The following PELI2 variants were observed in gnomAD, a reference collection of about 807,000 sequenced individuals.
PELI2 encodes the protein E3 ubiquitin-protein ligase pellino homolog 2.
PELI2 carries 23 observed loss-of-function variants against 42.3 expected under a neutral mutation model. The ratio of observed to expected loss-of-function variants is 0.54; its 90% CI spans 0.39 to 0.77. The LOEUF (loss-of-function observed/expected upper bound fraction) is 0.77, where lower values mean the gene tolerates loss of function less well. Ranked by LOEUF, PELI2 falls within the 30% of genes least tolerant of loss-of-function variation. The probability of loss-of-function intolerance (pLI) is 0.00; values close to 1 mark genes in which losing one functional copy is unlikely to be tolerated. For synonymous variants in PELI2, 245 were observed against 212.2 expected, an observed-to-expected ratio of 1.15 and a Z score of -1.34; for missense variants, 463 against 553.2, an observed-to-expected ratio of 0.84 and a Z score of 1.64.
intron 1 of PELI2, among the ~76,000 whole-genome samples, chr14:56,141,659 T>A (rs1260169799): frequency 1.3e-5 from 2 of 151,138 alleles, no homozygotes; most frequent in Non-Finnish European, 3.0e-5. Context: ...GGAGAGAGAG[T>A]GAGGCAAGCA....
At chr14:56,150,284 C>T (rs1005871477) in intron 1 of PELI2, among the ~76,000 whole-genome samples, 2 of 152,144 alleles carry the variant, frequency 1.3e-5, no homozygotes, top group East Asian at 1.9e-4. Context: ...CATTTCCCCA[C>T]GTATAAGCCA....
In PELI2 at chr14:56,200,829, C is replaced by G. The variant is rs184843464; in HGVS notation, c.207+22365C>G. On this transcript the variant is annotated intron_variant, in intron 2 of 5. Transcript: ENST00000267460. ...ATTTTCATTAGTTGTCTTACATTTG[C>G]ATTTCAAACAAACATTCTGATTGTT... Among the ~76,000 whole-genome samples the G allele has an allele frequency of 2.4e-4, 36 of 152,242 alleles. 1 individual carries two copies. The highest frequency in any genetic ancestry group is 3.9e-4 in the Admixed American group (6 of 15,290).
intron 1 of PELI2, among the ~76,000 whole-genome samples, chr14:56,120,351 A>G (rs1382055893): frequency 6.6e-6 from 1 of 152,182 alleles, no homozygotes; most frequent in Non-Finnish European, 1.5e-5. Context: ...TTTCCTTTTG[A>G]GGAAATCATT....
intron 2 of PELI2, among the ~76,000 whole-genome samples, chr14:56,235,280 A>C (rs1311868962): frequency 6.6e-6 from 1 of 152,236 alleles, no homozygotes; most frequent in Non-Finnish European, 1.5e-5. Flanking sequence ...TAAATAATAC[A>C]AAGGCCTAAA....
intron 1 of PELI2, among the ~76,000 whole-genome samples, chr14:56,144,079 C>A (rs1328210308): frequency 6.6e-6 from 1 of 152,184 alleles, no homozygotes; most frequent in Non-Finnish European, 1.5e-5. Context: ...TATACTCATA[C>A]TGTACTACCG....
intron 2 of PELI2, among the ~76,000 whole-genome samples, chr14:56,183,027 A>G (rs143897343): frequency 2.0e-5 from 3 of 152,236 alleles, no homozygotes; most frequent in African/African-American, 4.8e-5. Context: ...CCTGCTTTTA[A>G]TAACTGAGTT....
chr14:56,286,464 A>G lies in PELI2; in HGVS notation c.310-1973A>G, dbSNP rs141028931. Reference sequence around the variant, plus strand: ...CCAGGCAAACCCAAACTTTTCTTATATATATAAAATTTAACATGCTGAATG... The same window carrying G: ...CCAGGCAAACCCAAACTTTTCTTATGTATATAAAATTTAACATGCTGAATG... On this transcript the variant is annotated intron_variant, in intron 3 of 5. Coordinates refer to ENST00000267460, the MANE Select transcript of PELI2 (RefSeq NM_021255.3). Among the ~76,000 whole-genome samples the G allele has an allele frequency of 2.4e-3, 358 of 152,276 alleles. 4 individuals carry two copies. Among genetic ancestry groups the G allele is most frequent in the East Asian group, 0.018 (95 of 5,188 alleles).
chr14:56,222,951 G>C (rs1196287903), intron 2 of PELI2, among the ~76,000 whole-genome samples: 2 of 152,194 alleles, frequency 1.3e-5, no homozygotes, highest in African/African-American at 2.4e-5. Context: ...AAGGGAACAC[G>C]TACAGGACAA....
At chr14:56,181,315 C>A (rs1254253067) in intron 2 of PELI2, among the ~76,000 whole-genome samples, 1 of 146,924 alleles carries the variant, frequency 6.8e-6, no homozygotes, top group African/African-American at 2.5e-5. Flanking sequence ...GTCTCTGGCT[C>A]TGGGCCCTTC....
chr14:56,122,563 A>C (rs1595532708), intron 1 of PELI2, among the ~76,000 whole-genome samples: 1 of 150,502 alleles, frequency 6.6e-6, no homozygotes, highest in South Asian at 2.1e-4. Flanking sequence ...AGTTCCTCTC[A>C]CCTCACAGTT....
intron 2 of PELI2, among the ~76,000 whole-genome samples, chr14:56,255,043 G>T (rs1409701243): frequency 6.6e-6 from 1 of 152,306 alleles, no homozygotes; most frequent in East Asian, 1.9e-4. Context: ...TGGTGGGAGT[G>T]TAAATTAGTT....
At chr14:56,230,555 G>A (rs960895744) in intron 2 of PELI2, among the ~76,000 whole-genome samples, 2 of 152,174 alleles carry the variant, frequency 1.3e-5, no homozygotes, top group Non-Finnish European at 2.9e-5. Context: ...AATGCTGAGA[G>A]ATTTTGTGAC....
chr14:56,177,835 T>C (rs544300071), intron 1 of PELI2, among the ~76,000 whole-genome samples: 1 of 152,356 alleles, frequency 6.6e-6, no homozygotes, highest in South Asian at 2.1e-4. Context: ...GATTCTGAAC[T>C]TTTAAGAAAG....
chr14:56,124,504 T>C (rs1883178535), intron 1 of PELI2, among the ~76,000 whole-genome samples: 2 of 152,244 alleles, frequency 1.3e-5, no homozygotes, highest in South Asian at 4.1e-4. Flanking sequence ...CCTGGTGAAC[T>C]GCTCTCTTAT....
At chr14:56,246,545 C>T (rs1474850406) in intron 2 of PELI2, among the ~76,000 whole-genome samples, 1 of 152,184 alleles carries the variant, frequency 6.6e-6, no homozygotes, top group South Asian at 2.1e-4. Context: ...TCAGGACAAG[C>T]GTGGTCTACC....
At chr14:56,138,487 G>A (rs1022776319) in intron 1 of PELI2, among the ~76,000 whole-genome samples, 7 of 151,438 alleles carry the variant, frequency 4.6e-5, no homozygotes, top group Non-Finnish European at 1.0e-4. Flanking sequence ...AGACTGAAAA[G>A]TATTCATGAA....
At chr14:56,272,715 A>G (rs777423173) in intron 2 of PELI2, among the ~76,000 whole-genome samples, 9 of 152,244 alleles carry the variant, frequency 5.9e-5, no homozygotes, top group South Asian at 2.1e-4. Context: ...CAGTCTTCTA[A>G]CCAGAGATTA....
At position 56,300,783 on chromosome 14, in the gene PELI2, TCCC is replaced by T. The variant is rs1350718857; in HGVS notation, c.*3618_*3620del. On this transcript the variant is annotated 3_prime_UTR_variant, in exon 6 of 6. Transcript: ENST00000267460. ...CCATCCCTTTACTGTCAATCTTCTG[TCCC>T]AGTAGTTTAGCCTTTGTGGCTTAGG... The T allele has an allele frequency of 6.6e-5, 10 of 152,228 alleles. No individual in the cohort carries two copies. Among genetic ancestry groups the T allele is most frequent in the African/African-American group, 2.4e-4 (10 of 41,454 alleles). The allele number at this position is 152,228 out of a possible 1,614,324, so 9.4% of individuals were successfully genotyped here. A position where few individuals can be genotyped will look rare whatever the true frequency, so the allele number is the denominator to read the frequency against.
At chr14:56,193,321 G>A (rs1261646568) in intron 2 of PELI2, among the ~76,000 whole-genome samples, 1 of 152,104 alleles carries the variant, frequency 6.6e-6, no homozygotes, top group East Asian at 1.9e-4. Context: ...ACCTCGATCA[G>A]TTGAAGCTAC....
Sources: gnomAD v4.1 joint callset for allele counts (sites outside exome capture counted in the v4.1 genomes callset) on GRCh38, gnomAD v4.1.1 for gene constraint, MANE v1.5 for transcripts, NCBI Gene and HGNC (gene_info 2026-07-23, HGNC 2026-07-21) for gene names.